SLC22A16: variants seen among roughly 807,000 people sequenced by gnomAD.
SLC22A16 encodes solute carrier family 22 member 16.
In SLC22A16, 53 loss-of-function variants were observed where a neutral mutation model predicts 52.9. The ratio of observed to expected loss-of-function variants is 1.00; its 90% CI spans 0.80 to 1.26. SLC22A16 has a LOEUF of 1.26. Ranked by LOEUF, SLC22A16 falls within the 50% of genes most tolerant of loss-of-function variation. SLC22A16 has a pLI of 0.00. For missense variants in SLC22A16, 726 were observed against 704.0 expected, an observed-to-expected ratio of 1.03 and a Z score of -0.35; for synonymous variants, 291 against 268.8, an observed-to-expected ratio of 1.08 and a Z score of -0.81.
rs1380360469 is a variant in SLC22A16, at chr6:110,476,532, G to GC, written c.42dup (p.His15AlafsTer51). ...GCCCCTCCCCCATACCTGCCGAAGT[G>GC]CCCCACGTGGTCATAAATCCCCTCG... On this transcript the variant is annotated frameshift_variant, in exon 1 of 8. Coordinates refer to ENST00000368919, the MANE Select transcript of SLC22A16 (RefSeq NM_033125.4). LOFTEE classifies it high-confidence loss of function. The GC allele has an allele frequency of 4.0e-6, 6 of 1,504,228 alleles. No individual in the cohort carries two copies. Among genetic ancestry groups the GC allele is most frequent in the Non-Finnish European group, 4.4e-6 (5 of 1,130,236 alleles). 93.2% of individuals were successfully genotyped at this position (1,504,228 alleles called of 1,614,324 possible). A position where few individuals can be genotyped will look rare whatever the true frequency, so the allele number is the denominator to read the frequency against.
rs74787172 is a variant in SLC22A16 at position 110,441,824 on chromosome 6, T to C, written c.1183+420A>G. The stretch of plus-strand genomic sequence containing the variant: ...GTGGCTCATTCTGACTTCTTTCTGT[T>C]TCCTAATCTTAAAAAGTCTGTACGC... On this transcript the variant is annotated intron_variant, in intron 4 of 7. Coordinates refer to ENST00000368919, the MANE Select transcript of SLC22A16 (RefSeq NM_033125.4). 2.6e-4 allele frequency among the ~76,000 whole-genome samples: 40 copies of C among 152,314 alleles called. No individual in the cohort carries two copies. In the East Asian group the frequency reaches 7.3e-3, roughly 28 times the overall value.
chr6:110,437,160 T>G (rs912096300), intron 5 of SLC22A16, among the ~76,000 whole-genome samples: 3 of 152,368 alleles, frequency 2.0e-5, no homozygotes, highest in Middle Eastern at 3.4e-3. Context: ...GTAAATTAAA[T>G]TAATTAACAA....
chr6:110,461,916 C>T (rs1260988951), intron 1 of SLC22A16, among the ~76,000 whole-genome samples: 1 of 152,202 alleles, frequency 6.6e-6, no homozygotes, highest in African/African-American at 2.4e-5. Flanking sequence ...CTGATAAAGA[C>T]ATACCAAGAC....
Position 110,456,713 on chromosome 6 carries a change from T to C in SLC22A16, c.358A>G (p.Lys120Glu), listed in dbSNP as rs1381977169. The C allele has an allele frequency of 6.8e-6, 11 of 1,614,098 alleles. No homozygotes were observed. The highest frequency in any genetic ancestry group is 1.3e-5 in the African/African-American group (1 of 74,928). The change falls in exon 2 of 8, where the codon AAG (lysine) becomes GAG (glutamate). Residue 120 changes from lysine (K) to glutamate (E), a missense_variant. By Grantham distance (56) the Lys-to-Glu change is moderately conservative. Coordinates refer to ENST00000368919, the MANE Select transcript of SLC22A16 (RefSeq NM_033125.4). ...CCATCCACACAAGGAAACTCTTTCT[T>C]ACTGCCAGTGTATTCATAGCCCAAA... ...SSLGYEYTGS[K>E]KEFPCVDGYI...
intron 2 of SLC22A16, among the ~76,000 whole-genome samples, chr6:110,455,044 T>A (rs1478285574): frequency 1.5e-5 from 2 of 130,468 alleles, no homozygotes; most frequent in Non-Finnish European, 3.1e-5. Context: ...ATATATTTTT[T>A]ATTTATATAT....
chr6:110,426,273 G>A (rs1774253487), intron 7 of SLC22A16, among the ~76,000 whole-genome samples: 1 of 152,154 alleles, frequency 6.6e-6, no homozygotes, highest in South Asian at 2.1e-4. Flanking sequence ...CCCTAAGTCA[G>A]GATCTGAAAA....
intron 2 of SLC22A16, among the ~76,000 whole-genome samples, chr6:110,453,928 G>A (rs1164459339): frequency 6.6e-6 from 1 of 152,104 alleles, no homozygotes; most frequent in Non-Finnish European, 1.5e-5. Flanking sequence ...GAAACCTGAG[G>A]GGTGTCCTCA....
intron 3 of SLC22A16, among the ~76,000 whole-genome samples, chr6:110,443,587 G>C (rs1404883646): frequency 6.6e-6 from 1 of 152,020 alleles, no homozygotes; most frequent in Admixed American, 6.5e-5. Flanking sequence ...TAATATGTGA[G>C]AGAAATGTAT....
intron 2 of SLC22A16, among the ~76,000 whole-genome samples, chr6:110,451,947 G>A (rs957891257): frequency 2.0e-5 from 3 of 152,148 alleles, no homozygotes; most frequent in Non-Finnish European, 4.4e-5. Flanking sequence ...ACTGTAAAAT[G>A]TTAGAAAATG....
intron 1 of SLC22A16, chr6:110,475,908 T>C (rs1776450775): frequency 2.2e-6 from 1 of 456,482 alleles, no homozygotes; most frequent in Non-Finnish European, 4.4e-6. Context: ...CGCCAGCTTG[T>C]TTCCCAATCA....
At chr6:110,445,119 T>A (rs1775118558) in intron 3 of SLC22A16, among the ~76,000 whole-genome samples, 2 of 152,276 alleles carry the variant, frequency 1.3e-5, no homozygotes, top group African/African-American at 4.8e-5. Flanking sequence ...ATCCCTTTTG[T>A]GGATTGCCAT....
chr6:110,430,923 T>C (rs761587), intron 7 of SLC22A16, among the ~76,000 whole-genome samples: 50,738 of 151,996 alleles, frequency 0.33, 8,728 homozygotes, highest in East Asian at 0.5. Context: ...GGTGAGGACA[T>C]GCCCTTTTGT....
chr6:110,458,207 G>T (rs1775741061), intron 1 of SLC22A16, among the ~76,000 whole-genome samples: 1 of 152,082 alleles, frequency 6.6e-6, no homozygotes, highest in African/African-American at 2.4e-5. Context: ...CCTGTCCACT[G>T]GACACGTGAC....
chr6:110,441,245 C>T (rs1774951926), intron 4 of SLC22A16, among the ~76,000 whole-genome samples: 1 of 152,196 alleles, frequency 6.6e-6, no homozygotes, highest in African/African-American at 2.4e-5. Flanking sequence ...ATAGATATCT[C>T]AATTAGTCTG....
rs55938120 is a variant in SLC22A16 at position 110,447,718 on chromosome 6, T to C, written c.534-728A>G. Among the ~76,000 whole-genome samples the C allele has an allele frequency of 8.0e-3, 1,220 of 152,324 alleles. 7 individuals are homozygous for C. The highest frequency in any genetic ancestry group is 0.031 in the Middle Eastern group (9 of 294). On this transcript the variant is annotated intron_variant, in intron 2 of 7. Coordinates refer to ENST00000368919, the MANE Select transcript of SLC22A16 (RefSeq NM_033125.4). ...CTCATCTACCTTCTGTCTCCATAGA[T>C]TTGCCTGTTCTGGACATTTCCCATA...
intron 6 of SLC22A16, among the ~76,000 whole-genome samples, chr6:110,431,688 T>TTAAGCAACA (rs1774513000): frequency 6.6e-6 from 1 of 152,164 alleles, no homozygotes. Flanking sequence ...ACGGTGCCCA[T>TTAAGCAACA]CATTAAGCAA....
At chr6:110,454,742 A>G (rs1260220926) in intron 2 of SLC22A16, among the ~76,000 whole-genome samples, 5 of 73,966 alleles carry the variant, frequency 6.8e-5, no homozygotes, top group Non-Finnish European at 1.2e-4. Flanking sequence ...TACATATAAT[A>G]TATATATTAT....
chr6:110,468,690 A>G (rs549273604), intron 1 of SLC22A16, among the ~76,000 whole-genome samples: 4 of 148,954 alleles, frequency 2.7e-5, no homozygotes, highest in Admixed American at 2.0e-4. Context: ...AGAAGAAGAA[A>G]AAGAAAAAAA....
At chr6:110,460,594 C>T (rs1314496016) in intron 1 of SLC22A16, among the ~76,000 whole-genome samples, 3 of 152,170 alleles carry the variant, frequency 2.0e-5, no homozygotes, top group Non-Finnish European at 4.4e-5. Context: ...GATTTGGGAA[C>T]TTCCTGAGAA....
Sources: gnomAD v4.1 joint callset for allele counts (sites outside exome capture counted in the v4.1 genomes callset) on GRCh38, gnomAD v4.1.1 for gene constraint, MANE v1.5 for transcripts, NCBI Gene and HGNC (gene_info 2026-07-23, HGNC 2026-07-21) for gene names.